The following ENO4 variants were observed in gnomAD, a reference collection of about 807,000 sequenced individuals.
ENO4 encodes enolase 4.
In ENO4, 53 loss-of-function variants were observed where a neutral mutation model predicts 63.2. The observed-to-expected ratio is 0.84, with a 90% CI of 0.67 to 1.05. The LOEUF (loss-of-function observed/expected upper bound fraction) is 1.05, where lower values mean the gene tolerates loss of function less well. Ranked by LOEUF, ENO4 falls within the 50% of genes least tolerant of loss-of-function variation. The probability of loss-of-function intolerance (pLI) is 0.00; values close to 1 mark genes in which losing one functional copy is unlikely to be tolerated. For missense variants in ENO4, 719 were observed against 772.0 expected, an observed-to-expected ratio of 0.93 and a Z score of 0.81; for synonymous variants, 266 against 283.8, an observed-to-expected ratio of 0.94 and a Z score of 0.63.
At chr10:116,855,492 C>A in intron 1 of ENO4, 131 bp from the exon 2 acceptor site, 1 of 1,131,556 alleles carries the variant, frequency 8.8e-7, no homozygotes, top group Non-Finnish European at 1.3e-6. Flanking sequence ...AGAATACTCG[C>A]GGAGAGGTTT....
At chr10:116,890,661 G>A (rs1847313368) in intron 10 of ENO4, among the ~76,000 whole-genome samples, 1 of 152,236 alleles carries the variant, frequency 6.6e-6, no homozygotes, top group South Asian at 2.1e-4. Flanking sequence ...ATGAAGCCTG[G>A]TGCCCAAGTA....
intron 13 of ENO4, among the ~76,000 whole-genome samples, chr10:116,881,212 T>C (rs1304273559): frequency 6.6e-6 from 1 of 152,180 alleles, no homozygotes; most frequent in African/African-American, 2.4e-5. Context: ...AATACTGGCC[T>C]TTCCCCCAGT....
At chr10:116,853,286 C>T (rs1846142704) in intron 1 of ENO4, among the ~76,000 whole-genome samples, 2 of 118,334 alleles carry the variant, frequency 1.7e-5, no homozygotes, top group African/African-American at 6.4e-5. Context: ...CAGAGTGAGA[C>T]TCCGTCTCAA....
intron 10 of ENO4, among the ~76,000 whole-genome samples, chr10:116,905,077 T>C (rs897147286): frequency 1.3e-4 from 20 of 151,602 alleles, no homozygotes; most frequent in African/African-American, 4.8e-4. Context: ...GGCGGGCGCC[T>C]GTAGTCCCAG....
intron 1 of ENO4, among the ~76,000 whole-genome samples, chr10:116,855,050 T>A (rs911842739): frequency 3.3e-5 from 5 of 151,596 alleles, no homozygotes; most frequent in African/African-American, 9.7e-5. Context: ...ATCCCAGCAC[T>A]TTGGGAGGCC....
At chr10:116,851,219 C>G (rs1846073909) in intron 1 of ENO4, among the ~76,000 whole-genome samples, 1 of 152,158 alleles carries the variant, frequency 6.6e-6, no homozygotes, top group Non-Finnish European at 1.5e-5. Context: ...ACAAAAGTCA[C>G]TAATACATAA....
chr10:116,900,677 T>G (rs2133321988), intron 10 of ENO4: 2 of 1,470,914 alleles, frequency 1.4e-6, no homozygotes, highest in Non-Finnish European at 1.8e-6. Flanking sequence ...TCAAATTAGG[T>G]GTTAAACAAA....
At chr10:116,856,914 G>T (rs1024561765) in intron 3 of ENO4, among the ~76,000 whole-genome samples, 1 of 151,862 alleles carries the variant, frequency 6.6e-6, no homozygotes, top group South Asian at 2.1e-4. Flanking sequence ...GCGTGAACCC[G>T]GGAGGCGGAG....
At chr10:116,877,836 C>A (rs894130529) in intron 11 of ENO4, among the ~76,000 whole-genome samples, 2 of 152,186 alleles carry the variant, frequency 1.3e-5, no homozygotes, top group Non-Finnish European at 2.9e-5. Context: ...ACTATCATTT[C>A]CACTTTATTG....
At chr10:116,851,892 A>G (rs1681752) in intron 1 of ENO4, among the ~76,000 whole-genome samples, 92,232 of 151,898 alleles carry the variant, frequency 0.61, 29,334 homozygotes, top group Middle Eastern at 0.73. Flanking sequence ...GCACTGAAAC[A>G]CTATACCTCC....
intron 1 of ENO4, chr10:116,850,246 C>A: frequency 1.0e-5 from 2 of 196,666 alleles, no homozygotes; most frequent in South Asian, 7.7e-5. Flanking sequence ...TGACCAGCCC[C>A]GCCCTAAACT....
rs1183331065 is a variant in ENO4 at position 116,859,131 on chromosome 10, A to G, written c.627A>G (p.Gln209=). 6.5e-7 allele frequency: 1 copy of G among 1,530,260 alleles called. No homozygotes were observed. The highest frequency in any genetic ancestry group is 1.2e-5 in the South Asian group (1 of 82,600). 94.8% of individuals were successfully genotyped at this position (1,530,260 alleles called of 1,614,324 possible). A position where few individuals can be genotyped will look rare whatever the true frequency, so the allele number is the denominator to read the frequency against. ...CACCTCCTACCAAAAAAAAGGGGCA[A>G]AAGCCAGGTTGGTTGGTGACTTATC... ...PPPPPTKKKG[Q]KPGRKDTITE... is the part of the protein sequence containing the mutation. The change falls in exon 4 of 14, where the codon CAA becomes CAG. Residue 209 remains glutamine (Q), a synonymous_variant. Coordinates refer to ENST00000341276, the MANE Select transcript of ENO4 (RefSeq NM_001242699.2).
At chr10:116,899,357 C>T (rs559504964) in intron 10 of ENO4, among the ~76,000 whole-genome samples, 1 of 152,136 alleles carries the variant, frequency 6.6e-6, no homozygotes, top group East Asian at 1.9e-4. Context: ...GAGAAGATAA[C>T]ATTTGAGCAA....
In ENO4 at chr10:116,879,915, G is replaced by A. The variant is rs535092428; in HGVS notation, c.1652G>A (p.Arg551His). ...TTCATCAAGTTGGGGGGTCTTTCCCGTGGTGAACGAGTGACTAAATACAAC... is the reference window on the plus strand; with the variant it reads ...TTCATCAAGTTGGGGGGTCTTTCCCATGGTGAACGAGTGACTAAATACAAC... ...VRFIKLGGLS[R>H]GERVTKYNRL... The change falls in exon 13 of 14, where the codon CGT becomes CAT. Residue 551 changes from arginine to histidine, a missense_variant. This residue lies in a region of ENO4 where 168 missense variants were observed against 163.3 expected (regional missense o/e 1.03). Coordinates refer to ENST00000341276, the MANE Select transcript of ENO4 (RefSeq NM_001242699.2). 10 of 1,550,636 alleles carry A rather than the reference G, an allele frequency of 6.4e-6. No individual in the cohort carries two copies. Among genetic ancestry groups the A allele is most frequent in the African/African-American group, 2.7e-5 (2 of 73,136 alleles).
chr10:116,879,157 A>G (rs1382245179), intron 11 of ENO4, 134 bp from the exon 12 acceptor site: 6 of 609,752 alleles, frequency 9.8e-6, no homozygotes, highest in African/African-American at 3.7e-5. Context: ...CAAACGTTAG[A>G]ATCCTAGGTA....
chr10:116,872,759 G>A (rs1030056941), intron 9 of ENO4, among the ~76,000 whole-genome samples: 1 of 152,060 alleles, frequency 6.6e-6, no homozygotes, highest in African/African-American at 2.4e-5. Flanking sequence ...ATGGTGACTT[G>A]GTAATTTATG....
intron 1 of ENO4, among the ~76,000 whole-genome samples, chr10:116,851,687 C>T (rs1846091665): frequency 6.6e-6 from 1 of 152,160 alleles, no homozygotes; most frequent in Admixed American, 6.5e-5. Context: ...CCCGTGCTTG[C>T]TGGCCTTCAT....
intron 9 of ENO4, among the ~76,000 whole-genome samples, chr10:116,871,980 T>A (rs1846707138): frequency 6.6e-6 from 1 of 152,208 alleles, no homozygotes; most frequent in Non-Finnish European, 1.5e-5. Context: ...GTGGATCACC[T>A]GAGGTCAGGA....
In ENO4 at chr10:116,860,772, C is replaced by T. The variant is rs758635541; in HGVS notation, c.635-22C>T. 9.2e-6 allele frequency: 13 copies of T among 1,408,316 alleles called. No homozygotes were observed. The South Asian group carries it at 1.5e-4, about 16-fold the overall frequency. The allele number at this position is 1,408,316 out of a possible 1,614,324, so 87.2% of individuals were successfully genotyped here. A position where few individuals can be genotyped will look rare whatever the true frequency, so the allele number is the denominator to read the frequency against. Reference sequence around the variant, plus strand: ...TAAAGCATTTAGAAATACAGTCTTACTCTCAATATTTCTCCCTCCAGGGAG... The same window carrying T: ...TAAAGCATTTAGAAATACAGTCTTATTCTCAATATTTCTCCCTCCAGGGAG... On this transcript the variant is annotated intron_variant, in intron 4 of 13. Transcript: ENST00000341276.
Sources: gnomAD v4.1 joint callset for allele counts (sites outside exome capture counted in the v4.1 genomes callset) on GRCh38, gnomAD v4.1.1 for gene constraint, gnomAD v4.1.1 regional missense constraint, MANE v1.5 for transcripts, NCBI Gene and HGNC (gene_info 2026-07-23, HGNC 2026-07-21) for gene names.